Variants in MCM5 observed in about 807,000 individuals in gnomAD.
The protein encoded by MCM5 is DNA replication licensing factor MCM5.
Under a neutral mutation model 79.9 loss-of-function variants are expected in MCM5, and 46 were observed. The ratio of observed to expected loss-of-function variants is 0.58; its 90% confidence interval spans 0.45 to 0.74. The LOEUF (loss-of-function observed/expected upper bound fraction) is 0.74. Among genes scored for constraint, MCM5 ranks in the 30% least tolerant of loss-of-function variants. The pLI is 0.00. For synonymous variants in MCM5, 404 were observed against 390.5 expected (o/e 1.03, Z -0.41); for missense variants, 883 against 1,017.0 (o/e 0.87, Z 1.79).
chr22:35,417,521 G>A (rs1185943993), intron 12 of MCM5, among the ~76,000 whole-genome samples: 2 of 152,228 alleles, frequency 1.3e-5, no homozygotes, highest in Non-Finnish European at 2.9e-5. Flanking sequence ...CAGGGCAGAG[G>A]AGCAAGGAGC....
chr22:35,448,012 A>G, the MCM5 span, among the ~76,000 whole-genome samples: 1 of 152,090 alleles, frequency 6.6e-6, no homozygotes, highest in South Asian at 2.1e-4. Context: ...TACAAGAAAC[A>G]ACAACGCCCT....
rs1931992579 is a variant in MCM5, at chr22:35,400,174, G to C, written c.-43G>C. The C allele has an allele frequency of 2.1e-6, 1 of 473,424 alleles. No homozygotes were observed. The highest frequency in any genetic ancestry group is 3.8e-6 in the Non-Finnish European group (1 of 260,832). The allele number at this position is 473,424 out of a possible 1,614,324, so 29.3% of individuals were successfully genotyped here. A position where few individuals can be genotyped will look rare whatever the true frequency, so the allele number is the denominator to read the frequency against. Reference sequence around the variant, plus strand: ...TCGGCGGCTGAGCGTGGAGGTTCTTGTCTCCCCTGGTTTGTGAAGTGCGGA... The same window carrying C: ...TCGGCGGCTGAGCGTGGAGGTTCTTCTCTCCCCTGGTTTGTGAAGTGCGGA... On this transcript the variant is annotated 5_prime_UTR_variant, in exon 1 of 17. Transcript: ENST00000216122.
At chr22:35,448,169 A>G in the MCM5 span, among the ~76,000 whole-genome samples, 1 of 152,178 alleles carries the variant, frequency 6.6e-6, no homozygotes, top group Non-Finnish European at 1.5e-5. Context: ...CGGACTCTCT[A>G]TGTCTCAGTT....
At chr22:35,422,009 T>A (rs553028817) in intron 15 of MCM5, 1 of 195,426 alleles carries the variant, frequency 5.1e-6, no homozygotes, top group African/African-American at 2.3e-5. Flanking sequence ...TTCAACAGAC[T>A]GTCCCAGGCA....
chr22:35,444,368 T>C, the MCM5 span, among the ~76,000 whole-genome samples: 5 of 152,292 alleles, frequency 3.3e-5, no homozygotes, highest in African/African-American at 4.8e-5. Context: ...GTCTGTGGAC[T>C]TGAGTGAGAG....
At chr22:35,447,163 G>A in the MCM5 span, among the ~76,000 whole-genome samples, 1 of 152,168 alleles carries the variant, frequency 6.6e-6, no homozygotes, top group Non-Finnish European at 1.5e-5. Context: ...GGAAACCTGC[G>A]TCCCTCTCGG....
chr22:35,440,007 A>G, the MCM5 span, among the ~76,000 whole-genome samples: 2 of 152,218 alleles, frequency 1.3e-5, no homozygotes, highest in East Asian at 1.9e-4. Context: ...AAAAAAAATC[A>G]TCTAGAATCC....
the MCM5 span, among the ~76,000 whole-genome samples, chr22:35,435,100 G>A: frequency 6.6e-6 from 1 of 152,176 alleles, no homozygotes; most frequent in Non-Finnish European, 1.5e-5. Context: ...GCAGTGAGCT[G>A]GGATAGCACC....
intron 11 of MCM5, 25 bp downstream of exon 11, chr22:35,416,429 C>T (rs1450304864): frequency 6.2e-6 from 10 of 1,608,096 alleles, no homozygotes; most frequent in African/African-American, 1.4e-5. Context: ...ATGGAGAGCC[C>T]AGCCTGCAGC....
intron 4 of MCM5, among the ~76,000 whole-genome samples, chr22:35,406,037 A>G (rs533240381): frequency 1.6e-4 from 25 of 152,180 alleles, no homozygotes; most frequent in African/African-American, 5.8e-4. Context: ...AAAAGAAAAA[A>G]TATTACTGCC....
Position 35,403,349 on chromosome 22 carries a change from T to G in MCM5, c.294+16T>G, listed in dbSNP as rs773949094. On this transcript the variant is annotated intron_variant, in intron 3 of 16. Coordinates refer to ENST00000216122, the MANE Select transcript of MCM5 (RefSeq NM_006739.4). ...CCTGCAGCTGGTGAGTGGGACCCCA[T>G]CCCTGAGCTTCCCAGGGCTGCTCTG... The G allele has an allele frequency of 6.2e-7, 1 of 1,614,070 alleles. No individual in the cohort carries two copies. Among genetic ancestry groups the G allele is most frequent in the South Asian group, 1.1e-5 (1 of 91,086 alleles).
chr22:35,418,829 C>T (rs1482267190), intron 13 of MCM5, among the ~76,000 whole-genome samples: 1 of 152,150 alleles, frequency 6.6e-6, no homozygotes, highest in Non-Finnish European at 1.5e-5. Context: ...CTATTATTCC[C>T]TTCCCTTTAT....
At chr22:35,438,602 C>CCACCCACCCACACATCCATCCATCCAT in the MCM5 span, among the ~76,000 whole-genome samples, 1 of 57,074 alleles carries the variant, frequency 1.8e-5, no homozygotes. Flanking sequence ...CATGCATCCA[C>CCACCCACCCACACATCCATCCATCCAT]CCACCCACAT....
chr22:35,411,159 G>C (rs910584111), intron 7 of MCM5: 18 of 328,490 alleles, frequency 5.5e-5, no homozygotes, highest in African/African-American at 3.4e-4. Context: ...CAAATCACTG[G>C]GGAATTACTG....
the MCM5 span, among the ~76,000 whole-genome samples, chr22:35,446,758 C>T: frequency 6.6e-6 from 1 of 152,172 alleles, no homozygotes; most frequent in African/African-American, 2.4e-5. Context: ...CACCGCACCC[C>T]CTCACCTTCA....
downstream of MCM5, among the ~76,000 whole-genome samples, chr22:35,429,778 C>T (rs959967784): frequency 1.1e-4 from 16 of 152,094 alleles, no homozygotes; most frequent in South Asian, 2.1e-4. Flanking sequence ...TCAGGTGATC[C>T]GCCCACCTCA....
intron 2 of MCM5, chr22:35,401,394 A>T: frequency 4.2e-6 from 2 of 471,436 alleles, no homozygotes; most frequent in Non-Finnish European, 8.8e-6. Context: ...TTGATTGAGC[A>T]CCTGCTGCCT....
the MCM5 span, among the ~76,000 whole-genome samples, chr22:35,443,646 TC>T: frequency 2.0e-5 from 3 of 152,288 alleles, no homozygotes; most frequent in South Asian, 4.2e-4. Context: ...TTTCCACCTT[TC>T]CAAATGCAGC....
the MCM5 span, among the ~76,000 whole-genome samples, chr22:35,443,103 C>T: frequency 6.6e-6 from 1 of 152,210 alleles, no homozygotes; most frequent in South Asian, 2.1e-4. Context: ...GAGCCCAGCC[C>T]CGCACCTTCC....
Sources: allele counts gnomAD v4.1 joint callset (sites outside exome capture counted in the v4.1 genomes callset), GRCh38; gene constraint gnomAD v4.1.1; transcripts MANE v1.5; gene names NCBI Gene and HGNC (gene_info 2026-07-23, HGNC 2026-07-21).